Variants in KCNT2 observed in about 807,000 individuals in gnomAD.
KCNT2 encodes potassium channel subfamily T member 2.
In KCNT2, 67 loss-of-function variants were observed where a neutral mutation model predicts 153.8. The ratio of observed to expected loss-of-function variants is 0.44; its 90% CI spans 0.36 to 0.53. KCNT2 has a LOEUF of 0.53. KCNT2 is among the 20% of genes least tolerant of loss of function. The probability of loss-of-function intolerance (pLI) is 0.00; values close to 1 mark genes in which losing one functional copy is unlikely to be tolerated. For synonymous variants in KCNT2, 500 were observed against 458.8 expected (o/e 1.09, Z -1.15); for missense variants, 975 against 1,354.8 (o/e 0.72, Z 4.40).
At chr1:196,551,884 C>T (rs1176673880) in intron 1 of KCNT2, among the ~76,000 whole-genome samples, 1 of 151,576 alleles carries the variant, frequency 6.6e-6, no homozygotes, top group African/African-American at 2.4e-5. Context: ...CACTCTTCCA[C>T]CTGCCCTGGT....
chr1:196,487,061 T>C (rs1428262973), intron 3 of KCNT2, among the ~76,000 whole-genome samples: 3 of 151,912 alleles, frequency 2.0e-5, no homozygotes, highest in Admixed American at 2.0e-4. Flanking sequence ...TAAGGGCCCT[T>C]CCACCAGACA....
chr1:196,494,464 A>G (rs549457619), intron 1 of KCNT2, among the ~76,000 whole-genome samples: 11 of 151,980 alleles, frequency 7.2e-5, no homozygotes, highest in Admixed American at 1.3e-4. Context: ...CAGTGGCGCG[A>G]TCTCAGCTCA....
intron 1 of KCNT2, among the ~76,000 whole-genome samples, chr1:196,516,529 A>G (rs1168223694): frequency 1.3e-5 from 2 of 152,004 alleles, no homozygotes; most frequent in Non-Finnish European, 2.9e-5. Flanking sequence ...TATCTTTGCT[A>G]TTTTGCCACC....
intron 1 of KCNT2, among the ~76,000 whole-genome samples, chr1:196,589,784 A>T (rs528007125): frequency 6.6e-6 from 1 of 151,208 alleles, no homozygotes; most frequent in Admixed American, 6.7e-5. Context: ...ACAGTCTATC[A>T]TACTCATCCC....
At chr1:196,539,799 T>G (rs1237731554) in intron 1 of KCNT2, among the ~76,000 whole-genome samples, 1 of 151,740 alleles carries the variant, frequency 6.6e-6, no homozygotes, top group Non-Finnish European at 1.5e-5. Context: ...TACTAGCCAC[T>G]AAACAATAAT....
intron 13 of KCNT2, among the ~76,000 whole-genome samples, chr1:196,393,696 A>G (rs977096569): frequency 1.3e-5 from 2 of 151,498 alleles, no homozygotes; most frequent in Admixed American, 1.3e-4. Flanking sequence ...AGCTACAGAA[A>G]CATGTCTGAT....
In KCNT2 at chr1:196,391,600, T is replaced by C. The variant is rs137961025; in HGVS notation, c.1294+6963A>G. 2.2e-3 allele frequency among the ~76,000 whole-genome samples: 329 copies of C among 151,466 alleles called. 6 individuals are homozygous for C. Among genetic ancestry groups the C allele is most frequent in the African/African-American group, 7.6e-3 (314 of 41,440 alleles). ...GTCATAAGTGGCCCACAAGAAAATG[T>C]CTCAAAATACCTAATATCCAGTGTC... On this transcript the variant is annotated intron_variant, in intron 13 of 27. Transcript: ENST00000294725.
intron 1 of KCNT2, among the ~76,000 whole-genome samples, chr1:196,516,369 A>T (rs944311121): frequency 5.3e-5 from 8 of 152,000 alleles, no homozygotes; most frequent in Non-Finnish European, 8.8e-5. Flanking sequence ...AGGCAGCTAG[A>T]CTGCTTTTTC....
Position 196,257,788 on chromosome 1 carries a change from G to C in KCNT2, c.3211+406C>G, listed in dbSNP as rs530001866. On this transcript the variant is annotated intron_variant, in intron 26 of 27. Transcript: ENST00000294725. ...AAACAAATTTTATAAGAACATTTTGGTTTACCTGTGGCCAATACAATCAGT... is the reference window on the plus strand; with the variant it reads ...AAACAAATTTTATAAGAACATTTTGCTTTACCTGTGGCCAATACAATCAGT... 52 of 984,360 alleles carry C rather than the reference G, an allele frequency of 5.3e-5. No individual in the cohort carries two copies. The South Asian group carries it at 2.1e-3, about 40-fold the overall frequency. The allele number at this position is 984,360 out of a possible 1,614,324, so 61.0% of individuals were successfully genotyped here. A position where few individuals can be genotyped will look rare whatever the true frequency, so the allele number is the denominator to read the frequency against.
At chr1:196,556,143 G>A (rs891854682) in intron 1 of KCNT2, among the ~76,000 whole-genome samples, 2 of 151,132 alleles carry the variant, frequency 1.3e-5, no homozygotes, top group Admixed American at 1.3e-4. Flanking sequence ...AAGCAAAAAC[G>A]ACAAATAAGA....
intron 26 of KCNT2, among the ~76,000 whole-genome samples, chr1:196,242,780 T>C (rs762063426): frequency 2.0e-5 from 3 of 152,278 alleles, no homozygotes; most frequent in Non-Finnish European, 4.4e-5. Context: ...TACTATATAA[T>C]ACAGATCTTC....
At chr1:196,247,786 G>A (rs1655585264) in intron 26 of KCNT2, among the ~76,000 whole-genome samples, 1 of 152,102 alleles carries the variant, frequency 6.6e-6, no homozygotes, top group Middle Eastern at 3.2e-3. Context: ...TTCAAGATGA[G>A]ATATGGGTGG....
Position 196,405,476 on chromosome 1 carries a change from T to A in KCNT2, c.1186-6805A>T, listed in dbSNP as rs538191115. On this transcript the variant is annotated intron_variant, in intron 12 of 27. Transcript: ENST00000294725. Reference sequence around the variant, plus strand: ...ACTGTACTATCTAAAAGGTATTTGTTGTTCTAAGGACTTACAATAAATCAC... The same window carrying A: ...ACTGTACTATCTAAAAGGTATTTGTAGTTCTAAGGACTTACAATAAATCAC... Among the ~76,000 whole-genome samples the A allele has an allele frequency of 2.0e-5, 3 of 151,626 alleles. No homozygotes were observed. In the East Asian group the frequency reaches 5.9e-4, roughly 30 times the overall value.
chr1:196,497,817 G>A (rs1199905977), intron 1 of KCNT2, among the ~76,000 whole-genome samples: 1 of 152,082 alleles, frequency 6.6e-6, no homozygotes, highest in African/African-American at 2.4e-5. Flanking sequence ...CCTGGAATAA[G>A]TTGTCTTTGT....
intron 1 of KCNT2, among the ~76,000 whole-genome samples, chr1:196,592,705 A>G (rs993114644): frequency 2.7e-5 from 4 of 147,160 alleles, no homozygotes; most frequent in African/African-American, 9.8e-5. Context: ...GTATGTATAT[A>G]CACATATATA....
At chr1:196,583,458 G>C (rs933264006) in intron 1 of KCNT2, among the ~76,000 whole-genome samples, 2 of 152,004 alleles carry the variant, frequency 1.3e-5, no homozygotes, top group African/African-American at 2.4e-5. Context: ...TCTGCACAGA[G>C]AAGTAAGACA....
At chr1:196,255,234 T>A (rs752055674) in intron 26 of KCNT2, among the ~76,000 whole-genome samples, 2 of 151,774 alleles carry the variant, frequency 1.3e-5, no homozygotes, top group Non-Finnish European at 3.0e-5. Context: ...ATCTTTTCAC[T>A]TGCATTCTAT....
At chr1:196,438,843 A>G (rs1236845935) in intron 8 of KCNT2, among the ~76,000 whole-genome samples, 1 of 151,832 alleles carries the variant, frequency 6.6e-6, no homozygotes, top group Non-Finnish European at 1.5e-5. Flanking sequence ...AACATTTAAG[A>G]CCTAAATTTT....
intron 1 of KCNT2, among the ~76,000 whole-genome samples, chr1:196,516,979 AC>A (rs2148813577): frequency 6.6e-6 from 1 of 151,872 alleles, no homozygotes; most frequent in South Asian, 2.1e-4. Context: ...GTCTCCAACC[AC>A]CCCCCAGCTG....
Sources: allele counts gnomAD v4.1 joint callset (sites outside exome capture counted in the v4.1 genomes callset), GRCh38; gene constraint gnomAD v4.1.1; transcripts MANE v1.5; gene names NCBI Gene and HGNC (gene_info 2026-07-23, HGNC 2026-07-21).